The following ANXA10 variants were observed in gnomAD, a reference collection of about 807,000 sequenced individuals.
The protein encoded by ANXA10 is annexin A10.
ANXA10 carries 49 observed loss-of-function variants against 53.5 expected under a neutral mutation model. The observed-to-expected ratio is 0.92, with a 90% CI of 0.73 to 1.16. The LOEUF (loss-of-function observed/expected upper bound fraction) is 1.16, where lower values mean the gene tolerates loss of function less well. Among genes scored for constraint, ANXA10 ranks in the 50% most tolerant of loss-of-function variants. The probability of loss-of-function intolerance (pLI) is 0.00; values close to 1 mark genes in which losing one functional copy is unlikely to be tolerated. For synonymous variants in ANXA10, 131 were observed against 128.9 expected, an observed-to-expected ratio of 1.02 and a Z score of -0.11; for missense variants, 393 against 394.4, an observed-to-expected ratio of 1.00 and a Z score of 0.03.
chr4:168,095,615 G>T (rs1730529363), intron 1 of ANXA10, among the ~76,000 whole-genome samples: 1 of 151,738 alleles, frequency 6.6e-6, no homozygotes, highest in Non-Finnish European at 1.5e-5. Context: ...ACATGCAAAG[G>T]TTTGAAGTTC....
At chr4:168,160,119 C>T (rs930841863) in intron 3 of ANXA10, among the ~76,000 whole-genome samples, 4 of 152,222 alleles carry the variant, frequency 2.6e-5, no homozygotes, top group Admixed American at 2.6e-4. Context: ...CACAGGTAAA[C>T]ATGTGCCATG....
intron 3 of ANXA10, among the ~76,000 whole-genome samples, chr4:168,152,928 C>T (rs1311299258): frequency 1.3e-5 from 2 of 151,938 alleles, no homozygotes; most frequent in African/African-American, 4.8e-5. Context: ...ACTGCAGCCT[C>T]ACCCTCACGG....
At chr4:168,114,015 A>G (rs1730851233) in intron 1 of ANXA10, among the ~76,000 whole-genome samples, 2 of 152,154 alleles carry the variant, frequency 1.3e-5, no homozygotes, top group Non-Finnish European at 2.9e-5. Context: ...GGGCTGATCA[A>G]TTGGCTTCTT....
intron 3 of ANXA10, among the ~76,000 whole-genome samples, chr4:168,159,844 T>C (rs748094732): frequency 6.6e-6 from 1 of 152,154 alleles, no homozygotes; most frequent in Non-Finnish European, 1.5e-5. Context: ...TGCCAAATAA[T>C]AAAATGAAAA....
At chr4:168,179,850 T>A (rs1732206075) in intron 9 of ANXA10, among the ~76,000 whole-genome samples, 1 of 152,128 alleles carries the variant, frequency 6.6e-6, no homozygotes, top group African/African-American at 2.4e-5. Flanking sequence ...ATGATATCCC[T>A]CCATAGAGGA....
At position 168,184,722 on chromosome 4, in the gene ANXA10, T is replaced by C. The variant is rs767668283; in HGVS notation, c.906+41T>C. ...ATGATTTATTTGGACCCACATTTTC[T>C]CCTTTTTGAAACTGAGATAAAAGTT... On this transcript the variant is annotated intron_variant, in intron 11 of 11. Coordinates refer to ENST00000359299, the MANE Select transcript of ANXA10 (RefSeq NM_007193.5). 3 of 1,602,958 alleles carry C rather than the reference T, an allele frequency of 1.9e-6. No homozygotes were observed. The Admixed American group carries it at 5.2e-5, about 28-fold the overall frequency.
At chr4:168,107,578 A>G (rs1014788651) in intron 1 of ANXA10, among the ~76,000 whole-genome samples, 2 of 152,190 alleles carry the variant, frequency 1.3e-5, no homozygotes, top group African/African-American at 4.8e-5. Context: ...AGTTTAGGCT[A>G]CTATAACAAA....
At chr4:168,185,231 A>G (rs932030368) in intron 11 of ANXA10, among the ~76,000 whole-genome samples, 6 of 152,224 alleles carry the variant, frequency 3.9e-5, no homozygotes, top group Non-Finnish European at 7.4e-5. Context: ...TGTTTTACCC[A>G]GAAGCATTGA....
chr4:168,099,006 T>C (rs1730597626), intron 1 of ANXA10, among the ~76,000 whole-genome samples: 1 of 152,286 alleles, frequency 6.6e-6, no homozygotes, highest in South Asian at 2.1e-4. Context: ...TATCTCTTAA[T>C]TGAAACATTT....
chr4:168,114,329 A>T (rs1025639515), intron 1 of ANXA10, among the ~76,000 whole-genome samples: 7 of 152,036 alleles, frequency 4.6e-5, no homozygotes, highest in Non-Finnish European at 1.5e-5. Context: ...GCTGGAGTGC[A>T]GTGGTGCAGT....
chr4:168,121,539 T>G (rs1730985037), intron 1 of ANXA10, among the ~76,000 whole-genome samples: 1 of 152,128 alleles, frequency 6.6e-6, no homozygotes, highest in Non-Finnish European at 1.5e-5. Flanking sequence ...AAGTGAATAG[T>G]TTAATTATCA....
Position 168,139,525 on chromosome 4 carries a change from G to T in ANXA10, c.140G>T (p.Arg47Leu). 6.2e-7 allele frequency: 1 copy of T among 1,612,964 alleles called. No homozygotes were observed. The highest frequency in any genetic ancestry group is 8.5e-7 in the Non-Finnish European group (1 of 1,179,186). Reference sequence around the variant, plus strand: ...ATGCTGATCAACATTCTGACTCAGCGCTGCAATGCACAAAGGATGATGATT... The same window carrying T: ...ATGCTGATCAACATTCTGACTCAGCTCTGCAATGCACAAAGGATGATGATT... ...KDMLINILTQRCNAQRMMIAE... is the reference protein window; with the variant it reads ...KDMLINILTQLCNAQRMMIAE... Residue 47 changes from arginine (R) to leucine (L), a missense_variant, in exon 3 of 12, where the codon CGC becomes CTC. Arg to Leu is a moderately radical substitution (Grantham distance 102, BLOSUM62 -2). Transcript: ENST00000359299.
At position 168,155,724 on chromosome 4, in the gene ANXA10, AT is replaced by A. The variant is rs1412638596; in HGVS notation, c.196-6803del. ...TTATAAATATATAATATTATATAAT[AT>A]AATATATGATATATCATATATTATA... On this transcript the variant is annotated intron_variant, in intron 3 of 11. Coordinates refer to ENST00000359299, the MANE Select transcript of ANXA10 (RefSeq NM_007193.5). Among the ~76,000 whole-genome samples the A allele has an allele frequency of 1.4e-3, 88 of 65,148 alleles. 15 individuals carry two copies. Among genetic ancestry groups the A allele is most frequent in the African/African-American group, 5.1e-3 (83 of 16,184 alleles). 42.7% of individuals were successfully genotyped at this position (65,148 alleles called of 152,430 possible). A position where few individuals can be genotyped will look rare whatever the true frequency, so the allele number is the denominator to read the frequency against.
At chr4:168,137,358 C>A (rs776622694) in intron 2 of ANXA10, among the ~76,000 whole-genome samples, 5 of 152,078 alleles carry the variant, frequency 3.3e-5, no homozygotes, top group African/African-American at 9.7e-5. Context: ...GGAGTCTGTG[C>A]TTTTAGTGTA....
chr4:168,141,855 A>ATTCT (rs1731330947), intron 3 of ANXA10, among the ~76,000 whole-genome samples: 3 of 152,044 alleles, frequency 2.0e-5, no homozygotes, highest in African/African-American at 7.2e-5. Flanking sequence ...TTCTGCCGTA[A>ATTCT]GCCCTTGCCT....
At chr4:168,100,708 A>C (rs956684775) in intron 1 of ANXA10, among the ~76,000 whole-genome samples, 2 of 152,114 alleles carry the variant, frequency 1.3e-5, no homozygotes, top group Non-Finnish European at 2.9e-5. Flanking sequence ...TTTCTGATTT[A>C]AAAGTTTGCC....
At chr4:168,123,277 G>GA in intron 1 of ANXA10, among the ~76,000 whole-genome samples, 1 of 79,228 alleles carries the variant, frequency 1.3e-5, no homozygotes, top group East Asian at 2.4e-4. Flanking sequence ...AGTTAAAATG[G>GA]AAAAACAAAA....
intron 11 of ANXA10, among the ~76,000 whole-genome samples, chr4:168,186,303 A>T (rs552633360): frequency 7.7e-4 from 117 of 152,332 alleles, no homozygotes; most frequent in Middle Eastern, 3.4e-3. Context: ...ATTACAAGAA[A>T]ATTAAAACCT....
At chr4:168,129,483 T>C (rs1731124942) in intron 2 of ANXA10, among the ~76,000 whole-genome samples, 1 of 152,152 alleles carries the variant, frequency 6.6e-6, no homozygotes, top group Non-Finnish European at 1.5e-5. Flanking sequence ...AGGATTCATT[T>C]TGACCATCAT....
Sources: allele counts gnomAD v4.1 joint callset (sites outside exome capture counted in the v4.1 genomes callset), GRCh38; gene constraint gnomAD v4.1.1; transcripts MANE v1.5; gene names NCBI Gene and HGNC (gene_info 2026-07-23, HGNC 2026-07-21).